Variants in SORL1 observed in about 807,000 individuals in gnomAD.
SORL1 encodes the protein sortilin related receptor 1, also known as sortilin-related receptor.
Under a neutral mutation model 273.7 loss-of-function variants are expected in SORL1, and 127 were observed. That is an observed-to-expected ratio of 0.46 (90% confidence interval 0.40 to 0.54). The LOEUF is 0.54. Ranked by LOEUF, SORL1 falls within the 20% of genes least tolerant of loss-of-function variation. The pLI is 0.00. For synonymous variants in SORL1, 1,031 were observed against 1,067.4 expected (o/e 0.97, Z 0.66); for missense variants, 2,494 against 2,846.1 (o/e 0.88, Z 2.81).
In SORL1 at chr11:121,484,588, C is replaced by T. The variant is rs144320117; in HGVS notation, c.529-3444C>T. 6.1e-3 allele frequency among the ~76,000 whole-genome samples: 920 copies of T among 151,874 alleles called. 6 individuals carry two copies. Among genetic ancestry groups the T allele is most frequent in the African/African-American group, 0.021 (855 of 41,378 alleles). ...GGCATAGCAGGCAGGAGACTTGGGACGTGGGGAGGGAGAATTGGGTTTTGT... is the reference window on the plus strand; with the variant it reads ...GGCATAGCAGGCAGGAGACTTGGGATGTGGGGAGGGAGAATTGGGTTTTGT... On this transcript the variant is annotated intron_variant, in intron 3 of 47. Transcript: ENST00000260197.
At chr11:121,555,095 C>G in intron 17 of SORL1, 92 bp from the exon 18 acceptor site, 1 of 1,342,498 alleles carries the variant, frequency 7.4e-7, no homozygotes, top group South Asian at 1.7e-5. Context: ...CCAGTCCTGC[C>G]AGTTGAATAA....
chr11:121,620,465 G>A (rs537022545), intron 43 of SORL1, among the ~76,000 whole-genome samples: 62 of 152,120 alleles, frequency 4.1e-4, no homozygotes, highest in Non-Finnish European at 8.4e-4. Flanking sequence ...TCCTTGCTCT[G>A]GGTTGCTCTT....
At chr11:121,478,347 T>TAAAG (rs1459589648) in intron 3 of SORL1, 104 bp downstream of exon 3, 16 of 1,310,414 alleles carry the variant, frequency 1.2e-5, no homozygotes, top group Non-Finnish European at 1.2e-5. Flanking sequence ...CTGTGATCTT[T>TAAAG]GTAGCATGAC....
intron 5 of SORL1, among the ~76,000 whole-genome samples, chr11:121,491,145 A>C (rs1168605036): frequency 6.6e-6 from 1 of 152,064 alleles, no homozygotes; most frequent in African/African-American, 2.4e-5. Context: ...GAGAACATGA[A>C]CTCTTAATTT....
intron 6 of SORL1, among the ~76,000 whole-genome samples, chr11:121,499,466 C>T (rs192811667): frequency 6.6e-6 from 1 of 152,266 alleles, no homozygotes; most frequent in Non-Finnish European, 1.5e-5. Context: ...CCAGATCATC[C>T]CAAGGTTGTC....
intron 19 of SORL1, 66 bp from the exon 20 acceptor site, chr11:121,558,525 A>C: frequency 6.4e-7 from 1 of 1,566,524 alleles, no homozygotes; most frequent in Non-Finnish European, 8.8e-7. Context: ...CCTTTTCTGG[A>C]GTAGTATTTG....
intron 19 of SORL1, among the ~76,000 whole-genome samples, chr11:121,557,646 C>G (rs1012626554): frequency 6.6e-6 from 1 of 152,164 alleles, no homozygotes; most frequent in African/African-American, 2.4e-5. Flanking sequence ...TGGGTTGTTT[C>G]TCTAGAAAAG....
intron 9 of SORL1, among the ~76,000 whole-genome samples, chr11:121,521,318 T>G (rs928142508): frequency 1.3e-5 from 2 of 152,208 alleles, no homozygotes; most frequent in African/African-American, 4.8e-5. Flanking sequence ...AGAGGCAGCC[T>G]ATAAATGGAT....
chr11:121,559,645 G>C lies in SORL1; in HGVS notation c.3037G>C (p.Gly1013Arg). Residue 1013 changes from glycine to arginine, a missense_variant, in exon 21 of 48, where the codon GGG (glycine) becomes CGG (arginine). Transcript: ENST00000260197. ...GLMDMKIFYK[G>R]KNTGSNACVP... is the part of the protein sequence containing the mutation. ...CATGGACATGAAGATTTTCTACAAGGGGAAGAACACTGGTAAGCCAGAGTC... is the reference window on the plus strand; with the variant it reads ...CATGGACATGAAGATTTTCTACAAGCGGAAGAACACTGGTAAGCCAGAGTC... The C allele has an allele frequency of 1.2e-6, 2 of 1,614,058 alleles. No individual in the cohort carries two copies. The highest frequency in any genetic ancestry group is 1.7e-6 in the Non-Finnish European group (2 of 1,179,992).
At chr11:121,478,304 C>T (rs964276012) in intron 3 of SORL1, 61 bp downstream of exon 3, 33 of 1,572,566 alleles carry the variant, frequency 2.1e-5, no homozygotes, top group Admixed American at 5.4e-5. Context: ...GAAAGATTGC[C>T]GCACTTAAGG....
chr11:121,627,341 T>C lies in SORL1; in HGVS notation c.6365-214T>C. ...TAGGAGTCTAATGTAATTACCATAT[T>C]TGCATGCACAAGGCCCTTGGTCTAT... On this transcript the variant is annotated intron_variant, in intron 46 of 47. Transcript: ENST00000260197. This position sits in a 1 kb window ranked among gnomAD's most constrained non-coding sequence, Gnocchi z 4.9. 1.7e-6 allele frequency: 1 copy of C among 583,694 alleles called. No homozygotes were observed. 36.2% of individuals were successfully genotyped at this position (583,694 alleles called of 1,614,324 possible). A position where few individuals can be genotyped will look rare whatever the true frequency, so the allele number is the denominator to read the frequency against.
At chr11:121,538,704 A>G (rs996397498) in intron 12 of SORL1, among the ~76,000 whole-genome samples, 7 of 151,774 alleles carry the variant, frequency 4.6e-5, no homozygotes, top group Non-Finnish European at 7.4e-5. Flanking sequence ...TTTGAGACAG[A>G]GTCTCACTCT....
At chr11:121,509,540 G>A (rs1861842748) in intron 6 of SORL1, among the ~76,000 whole-genome samples, 1 of 152,148 alleles carries the variant, frequency 6.6e-6, no homozygotes, top group Non-Finnish European at 1.5e-5. Context: ...GCAGCGGCAT[G>A]ATCTCGGCTC....
At chr11:121,506,591 C>G (rs1181660098) in intron 6 of SORL1, among the ~76,000 whole-genome samples, 2 of 152,202 alleles carry the variant, frequency 1.3e-5, no homozygotes, top group Non-Finnish European at 2.9e-5. Flanking sequence ...CCTGGTCCCT[C>G]CCATGACATG....
chr11:121,554,164 T>C lies in SORL1; in HGVS notation c.2439+55T>C. The stretch of plus-strand genomic sequence containing the variant: ...GCTGTGCATCGTGACTGCCCTGTCC[T>C]GATAAGCTGCATGCAGAATGGCCTA... On this transcript the variant is annotated intron_variant, in intron 17 of 47. Transcript: ENST00000260197. This position sits in a 1 kb window ranked among gnomAD's most constrained non-coding sequence, Gnocchi z 4.6. 1 of 1,512,808 alleles carries C rather than the reference T, an allele frequency of 6.6e-7. No individual in the cohort carries two copies. The highest frequency in any genetic ancestry group is 9.1e-7 in the Non-Finnish European group (1 of 1,102,872). The allele number at this position is 1,512,808 out of a possible 1,614,324, so 93.7% of individuals were successfully genotyped here.
At position 121,514,325 on chromosome 11, in the gene SORL1, A is replaced by C. The variant is rs547574892; in HGVS notation, c.1211+4A>C. On this transcript the variant is annotated splice_donor_region_variant and intron_variant, in intron 8 of 47. Coordinates refer to ENST00000260197, the MANE Select transcript of SORL1 (RefSeq NM_003105.6). ...CCGGCAGTGACACCTTGGTGAGGTA[A>C]GGAGACTGTGAGTCCTTCTCCTGCC... The C allele has an allele frequency of 4.3e-6, 7 of 1,611,652 alleles. No homozygotes were observed. In the East Asian group the frequency reaches 1.1e-4, roughly 26 times the overall value.
intron 14 of SORL1, among the ~76,000 whole-genome samples, chr11:121,546,348 T>C (rs940842696): frequency 6.7e-6 from 1 of 149,990 alleles, no homozygotes; most frequent in Non-Finnish European, 1.5e-5. Flanking sequence ...TTGAGGAGAG[T>C]TGATGATGAG....
chr11:121,535,533 G>A lies in SORL1; in HGVS notation c.1685+2981G>A, dbSNP rs908763615. ...GATGCAGAGAGAGAGGCTGGGAGGA[G>A]GGGGTTGTTTGAAAGAGGGCTTTCT... On this transcript the variant is annotated intron_variant, in intron 12 of 47. Coordinates refer to ENST00000260197, the MANE Select transcript of SORL1 (RefSeq NM_003105.6). Among the ~76,000 whole-genome samples the A allele has an allele frequency of 3.3e-5, 5 of 152,168 alleles. No homozygotes were observed. The East Asian group carries it at 9.6e-4, about 29-fold the overall frequency.
chr11:121,590,494 C>G (rs900893191), intron 30 of SORL1: 4 of 503,080 alleles, frequency 8.0e-6, no homozygotes, highest in South Asian at 2.3e-5. Context: ...GACCTCACCC[C>G]AGACCTACAG....
Sources: gnomAD v4.1 joint callset for allele counts (sites outside exome capture counted in the v4.1 genomes callset) on GRCh38, gnomAD v4.1.1 for gene constraint, Gnocchi (gnomAD v3.1) non-coding constraint, MANE v1.5 for transcripts, NCBI Gene and HGNC (gene_info 2026-07-23, HGNC 2026-07-21) for gene names.